SERPINF2: variants seen among roughly 807,000 people sequenced by gnomAD.
SERPINF2 encodes alpha-2-antiplasmin.
SERPINF2 carries 15 observed loss-of-function variants against 45.0 expected under a neutral mutation model. The observed-to-expected ratio is 0.33, with a 90% CI of 0.22 to 0.51. The LOEUF (loss-of-function observed/expected upper bound fraction) is 0.51, where lower values mean the gene tolerates loss of function less well. Ranked by LOEUF, SERPINF2 falls within the 20% of genes least tolerant of loss-of-function variation. The pLI is 0.97. For missense variants in SERPINF2, 518 were observed against 637.4 expected (o/e 0.81, Z 2.02); for synonymous variants, 283 against 277.9 (o/e 1.02, Z -0.18).
chr17:1,745,392 C>T lies in SERPINF2; in HGVS notation c.162C>T (p.Asn54=). ...CACTTACCCTCCTCAAGTTGGGCAACCAGGTACAACCAGGTGGGGCTGGGG... is the reference window on the plus strand; with the variant it reads ...CACTTACCCTCCTCAAGTTGGGCAATCAGGTACAACCAGGTGGGGCTGGGG... ...VSPLTLLKLG[N]QEPGGQTALK... is the part of the protein sequence containing the mutation. The change falls in exon 4 of 10, where the codon AAC becomes AAT. Residue 54 remains asparagine, a synonymous_variant. Coordinates refer to ENST00000453066, the MANE Select transcript of SERPINF2 (RefSeq NM_000934.4). This position sits in a 1 kb window ranked among gnomAD's most constrained non-coding sequence, Gnocchi z 6.2. 1 of 1,610,988 alleles carries T rather than the reference C, an allele frequency of 6.2e-7. No individual in the cohort carries two copies. The highest frequency in any genetic ancestry group is 1.1e-5 in the South Asian group (1 of 90,996).
intron 1 of SERPINF2, 176 bp from the exon 2 acceptor site, chr17:1,744,816 C>G: frequency 1.0e-6 from 1 of 985,462 alleles, no homozygotes; most frequent in Non-Finnish European, 1.2e-6. Flanking sequence ...GATGTCCCAG[C>G]TGCAGGAGTG....
chr17:1,750,042 C>T lies in SERPINF2; in HGVS notation c.858+1302C>T, dbSNP rs567643839. Among the ~76,000 whole-genome samples, 11 of 151,718 alleles carry T rather than the reference C, an allele frequency of 7.3e-5. No homozygotes were observed. In the East Asian group the frequency reaches 2.1e-3, roughly 29 times the overall value. ...AGGCTGGAGTGCAGTGGCACGATCT[C>T]GGCTCACTGCAGCCTCTGCCTCCTG... On this transcript the variant is annotated intron_variant, in intron 8 of 9. Coordinates refer to ENST00000453066, the MANE Select transcript of SERPINF2 (RefSeq NM_000934.4).
rs186432737 is a variant in SERPINF2, at chr17:1,747,063, G to A, written c.412G>A (p.Ala138Thr). The A allele has an allele frequency of 8.3e-4, 1,329 of 1,608,558 alleles. 21 individuals are homozygous for A. In the South Asian group the frequency reaches 0.013, roughly 16 times the overall value. ...GCAGAGGCTGCAACAGGTGCTGCAC[G>A]CAGGCTCAGGGCCCTGCCTCCCCCA... ...TLQRLQQVLH[A>T]GSGPCLPHLL... The change falls in exon 6 of 10, where the codon GCA becomes ACA. Residue 138 changes from alanine (A) to threonine (T), a missense_variant. Physicochemically the swap from Ala to Thr is moderately conservative, Grantham distance 58 (BLOSUM62 0). Transcript: ENST00000453066.
At chr17:1,750,389 C>T (rs1255197214) in intron 8 of SERPINF2, among the ~76,000 whole-genome samples, 11 of 152,054 alleles carry the variant, frequency 7.2e-5, no homozygotes, top group African/African-American at 9.6e-5. Context: ...CCTCGTGATC[C>T]GCCTGCCTCA....
Position 1,745,329 on chromosome 17 carries a change from G to T in SERPINF2, c.103-4G>T, listed in dbSNP as rs561282969. 11 of 1,613,272 alleles carry T rather than the reference G, an allele frequency of 6.8e-6. No homozygotes were observed. The highest frequency in any genetic ancestry group is 7.6e-6 in the Non-Finnish European group (9 of 1,179,972). Reference sequence around the variant, plus strand: ...GGTCTCCATCTGCTTGCTCCTTTCCGCAGCTAACTAGCGGGCCGAACCAGG... The same window carrying T: ...GGTCTCCATCTGCTTGCTCCTTTCCTCAGCTAACTAGCGGGCCGAACCAGG... On this transcript the variant is annotated splice_region_variant and splice_polypyrimidine_tract_variant and intron_variant, in intron 3 of 9. Transcript: ENST00000453066. This position sits in a 1 kb window ranked among gnomAD's most constrained non-coding sequence, Gnocchi z 6.2.
chr17:1,751,128 C>T (rs982926633), intron 8 of SERPINF2, among the ~76,000 whole-genome samples: 1 of 152,200 alleles, frequency 6.6e-6, no homozygotes, highest in Admixed American at 6.5e-5. Flanking sequence ...GGTGTCCACA[C>T]TGCTTTTGCT....
intron 1 of SERPINF2, 131 bp downstream of exon 1, chr17:1,743,039 C>G (rs1213349958): frequency 1.0e-6 from 1 of 985,284 alleles, no homozygotes; most frequent in Non-Finnish European, 1.2e-6. Flanking sequence ...ACTTGAAAAA[C>G]TGGAGCCTGT....
rs905253132 is a variant in SERPINF2, at chr17:1,754,381, G to A, written c.1323G>A (p.Pro441=). 1.2e-5 allele frequency: 20 copies of A among 1,613,976 alleles called. No individual in the cohort carries two copies. The highest frequency in any genetic ancestry group is 6.7e-5 in the African/African-American group (5 of 74,924). The part of the protein sequence containing the change: ...GSVRNPNPSA[P]RELKEQQDSP... ...TGAGGAACCCCAACCCCAGTGCACC[G>A]CGGGAGCTCAAGGAACAGCAGGATT... Residue 441 remains proline, a synonymous_variant, in exon 10 of 10, where the codon CCG becomes CCA. Coordinates refer to ENST00000453066, the MANE Select transcript of SERPINF2 (RefSeq NM_000934.4).
intron 8 of SERPINF2, among the ~76,000 whole-genome samples, chr17:1,751,985 G>A (rs1259446090): frequency 1.4e-5 from 2 of 138,468 alleles, no homozygotes; most frequent in African/African-American, 4.9e-5. Context: ...GCTGGTAGCC[G>A]GTGAAGAGAG....
chr17:1,752,090 C>A (rs1037145633), intron 8 of SERPINF2, among the ~76,000 whole-genome samples: 3 of 141,218 alleles, frequency 2.1e-5, no homozygotes, highest in Admixed American at 2.1e-4. Context: ...TTACTCCTGT[C>A]CCCCAGGCTG....
chr17:1,754,651 C>T lies in SERPINF2; in HGVS notation c.*117C>T, dbSNP rs1906701885. On this transcript the variant is annotated 3_prime_UTR_variant, in exon 10 of 10. Coordinates refer to ENST00000453066, the MANE Select transcript of SERPINF2 (RefSeq NM_000934.4). The stretch of plus-strand genomic sequence containing the variant: ...GGGCCGGGGGCAGTCTGAGAGAGGC[C>T]ATTCTTTCCCAACACCTCTTGGGGA... 2 of 1,006,240 alleles carry T rather than the reference C, an allele frequency of 2.0e-6. No homozygotes were observed. The highest frequency in any genetic ancestry group is 1.6e-5 in the South Asian group (1 of 61,284). 62.3% of individuals were successfully genotyped at this position (1,006,240 alleles called of 1,614,324 possible).
At position 1,745,164 on chromosome 17, in the gene SERPINF2, T is replaced by C. The variant is rs1905680852; in HGVS notation, c.64-11T>C. The C allele has an allele frequency of 1.3e-6, 2 of 1,575,878 alleles. No individual in the cohort carries two copies. Among genetic ancestry groups the C allele is most frequent in the Non-Finnish European group, 1.7e-6 (2 of 1,161,110 alleles). The stretch of plus-strand genomic sequence containing the variant: ...CGAGGGGACCTCCTATCCTCATCCC[T>C]TTCTCCACAGTTCTCCCCTGTGAGC... On this transcript the variant is annotated splice_polypyrimidine_tract_variant and intron_variant, in intron 2 of 9. Transcript: ENST00000453066. The surrounding 1 kb of genome is among the most constrained non-coding windows in gnomAD (Gnocchi z 6.2).
intron 1 of SERPINF2, among the ~76,000 whole-genome samples, chr17:1,743,664 G>A (rs1156435583): frequency 7.1e-6 from 1 of 141,624 alleles, no homozygotes; most frequent in Non-Finnish European, 1.5e-5. Flanking sequence ...GCAGTGAGCC[G>A]AGATCGTGCC....
intron 8 of SERPINF2, among the ~76,000 whole-genome samples, chr17:1,752,235 T>C (rs1364264276): frequency 6.6e-6 from 1 of 152,122 alleles, no homozygotes; most frequent in Non-Finnish European, 1.5e-5. Flanking sequence ...TTTGTATTTT[T>C]AGTAGAGATG....
chr17:1,743,055 G>A, intron 1 of SERPINF2, 147 bp downstream of exon 1: 1 of 985,384 alleles, frequency 1.0e-6, no homozygotes, highest in Non-Finnish European at 1.2e-6. Context: ...CCTGTTCTTG[G>A]CAAGAAGATT....
intron 8 of SERPINF2, among the ~76,000 whole-genome samples, chr17:1,749,540 G>A (rs1212591047): frequency 6.6e-6 from 1 of 152,250 alleles, no homozygotes; most frequent in Non-Finnish European, 1.5e-5. Flanking sequence ...GGAGGCTGCA[G>A]TGGGCTGAGA....
chr17:1,748,723 G>A lies in SERPINF2; in HGVS notation c.841G>A (p.Glu281Lys). 1 of 1,506,658 alleles carries A rather than the reference G, an allele frequency of 6.6e-7. No homozygotes were observed. The highest frequency in any genetic ancestry group is 9.2e-7 in the Non-Finnish European group (1 of 1,082,578). The allele number at this position is 1,506,658 out of a possible 1,614,324, so 93.3% of individuals were successfully genotyped here. A position where few individuals can be genotyped will look rare whatever the true frequency, so the allele number is the denominator to read the frequency against. The change falls in exon 8 of 10, where the codon GAG (glutamate) becomes AAG (lysine). Residue 281 changes from glutamate to lysine, a missense_variant. Glu to Lys is a moderately conservative substitution (Grantham distance 56). Transcript: ENST00000453066. ...GTACCCGCTGCGCTGGTTCTTGCTG[G>A]AGCAGCCTGAGATCCAGGTCACCCT... ...RTYPLRWFLL[E>K]QPEIQVAHFP...
At position 1,754,579 on chromosome 17, in the gene SERPINF2, C is replaced by G. The variant is rs1228107693; in HGVS notation, c.*45C>G. ...CCAGAGTCCCTGCCTGGACCAGCCT[C>G]TCCACTCATGTGACTCTTTCCAACC... is the stretch of plus-strand genomic sequence containing the variant. On this transcript the variant is annotated 3_prime_UTR_variant, in exon 10 of 10. Transcript: ENST00000453066. 1.3e-6 allele frequency: 2 copies of G among 1,588,372 alleles called. No individual in the cohort carries two copies. The highest frequency in any genetic ancestry group is 1.7e-6 in the Non-Finnish European group (2 of 1,174,376).
rs543985492 is a variant in SERPINF2, at chr17:1,752,914, C to T, written c.1063+124C>T. 206 of 856,584 alleles carry T rather than the reference C, an allele frequency of 2.4e-4. No individual in the cohort carries two copies. In the African/African-American group the frequency reaches 3.2e-3, roughly 13 times the overall value. 53.1% of individuals were successfully genotyped at this position (856,584 alleles called of 1,614,324 possible). A position where few individuals can be genotyped will look rare whatever the true frequency, so the allele number is the denominator to read the frequency against. On this transcript the variant is annotated intron_variant, in intron 9 of 9. Transcript: ENST00000453066. ...TGTGTCCTGCTCTTTTCCAGGGCTT[C>T]GGGAGCGGGGAGAGGGTTGAATATG...
Sources: allele counts gnomAD v4.1 joint callset (sites outside exome capture counted in the v4.1 genomes callset), GRCh38; gene constraint gnomAD v4.1.1; non-coding constraint Gnocchi (gnomAD v3.1); transcripts MANE v1.5; gene names NCBI Gene and HGNC (gene_info 2026-07-23, HGNC 2026-07-21).